Variants in TRAPPC9 observed in about 807,000 individuals in gnomAD.
TRAPPC9 encodes IKK2 binding protein.
In TRAPPC9, 83 loss-of-function variants were observed where a neutral mutation model predicts 124.0. The ratio of observed to expected loss-of-function variants is 0.67; its 90% CI spans 0.56 to 0.80. The LOEUF (loss-of-function observed/expected upper bound fraction) is 0.80, where lower values mean the gene tolerates loss of function less well. Among genes scored for constraint, TRAPPC9 ranks in the 30% least tolerant of loss-of-function variants. The pLI is 0.00. For missense variants in TRAPPC9, 1,302 were observed against 1,508.3 expected, an observed-to-expected ratio of 0.86 and a Z score of 2.27; for synonymous variants, 638 against 617.5, an observed-to-expected ratio of 1.03 and a Z score of -0.49.
intron 7 of TRAPPC9, among the ~76,000 whole-genome samples, chr8:140,377,298 T>C (rs916078020): frequency 2.0e-5 from 3 of 152,162 alleles, no homozygotes; most frequent in Admixed American, 6.5e-5. Flanking sequence ...GTTTCTTTTT[T>C]TTTTCTTCTC....
chr8:140,275,523 C>T (rs2065084510), intron 15 of TRAPPC9, 135 bp downstream of exon 15: 5 of 981,070 alleles, frequency 5.1e-6, no homozygotes, highest in African/African-American at 3.2e-5. Flanking sequence ...TGTAAGCCCT[C>T]GCCTGACTTC....
intron 21 of TRAPPC9, among the ~76,000 whole-genome samples, chr8:139,765,102 C>T (rs1018041247): frequency 2.0e-5 from 3 of 152,200 alleles, no homozygotes; most frequent in African/African-American, 4.8e-5. Flanking sequence ...CCACTGAACA[C>T]CTGCTCAGGC....
intron 21 of TRAPPC9, among the ~76,000 whole-genome samples, chr8:139,823,847 C>T (rs1324807932): frequency 3.3e-5 from 5 of 152,176 alleles, no homozygotes; most frequent in Non-Finnish European, 7.3e-5. Flanking sequence ...TGGGGTCTCG[C>T]GGCCACATGA....
chr8:140,005,297 T>C (rs754970706), intron 18 of TRAPPC9, among the ~76,000 whole-genome samples: 12 of 152,136 alleles, frequency 7.9e-5, no homozygotes, highest in Non-Finnish European at 1.8e-4. Flanking sequence ...CTTCTCTGGG[T>C]TTGGGCTTCA....
intron 9 of TRAPPC9, among the ~76,000 whole-genome samples, chr8:140,338,626 T>G (rs1245515840): frequency 6.6e-6 from 1 of 152,210 alleles, no homozygotes; most frequent in African/African-American, 2.4e-5. Context: ...CTAATATGAC[T>G]GGCGTCCTTA....
At chr8:139,871,234 C>T (rs1432343469) in intron 21 of TRAPPC9, among the ~76,000 whole-genome samples, 1 of 152,120 alleles carries the variant, frequency 6.6e-6, no homozygotes, top group Non-Finnish European at 1.5e-5. Flanking sequence ...TTGTTATAAC[C>T]CGGACACCTG....
intron 19 of TRAPPC9, among the ~76,000 whole-genome samples, chr8:139,923,525 G>A (rs1207153195): frequency 6.6e-6 from 1 of 152,128 alleles, no homozygotes; most frequent in African/African-American, 2.4e-5. Context: ...CCTCCACCTG[G>A]CTAACCTCAT....
At chr8:140,455,957 T>C (rs2071645054) in intron 1 of TRAPPC9, among the ~76,000 whole-genome samples, 1 of 152,172 alleles carries the variant, frequency 6.6e-6, no homozygotes, top group Admixed American at 6.5e-5. Context: ...GGAAATGCCC[T>C]GAATATGCAA....
chr8:140,178,981 T>C (rs1391554251), intron 17 of TRAPPC9, among the ~76,000 whole-genome samples: 4 of 152,148 alleles, frequency 2.6e-5, no homozygotes, highest in Admixed American at 6.5e-5. Flanking sequence ...GATATTGATA[T>C]GTTATGTCTT....
intron 17 of TRAPPC9, among the ~76,000 whole-genome samples, chr8:140,072,565 GAGAAAGGA>G (rs1200959331): frequency 5.8e-5 from 2 of 34,212 alleles, no homozygotes; most frequent in African/African-American, 9.4e-5. Flanking sequence ...GGAGGAGGAG[GAGAAAGGA>G]AGGAGGAGGA....
At chr8:140,103,719 C>T (rs375415260) in intron 17 of TRAPPC9, among the ~76,000 whole-genome samples, 41 of 152,320 alleles carry the variant, frequency 2.7e-4, no homozygotes, top group African/African-American at 8.4e-4. Flanking sequence ...TTAGCCATGA[C>T]GCTATCTCAG....
intron 21 of TRAPPC9, among the ~76,000 whole-genome samples, chr8:139,811,648 T>C (rs1411087175): frequency 6.6e-6 from 1 of 152,214 alleles, no homozygotes. Flanking sequence ...TGGAGGGAGC[T>C]TGTTTTTTAA....
chr8:140,148,859 T>C (rs1231434045), intron 17 of TRAPPC9, among the ~76,000 whole-genome samples: 1 of 152,156 alleles, frequency 6.6e-6, no homozygotes, highest in Non-Finnish European at 1.5e-5. Flanking sequence ...CATTCTTGGG[T>C]TCAGTTTTTC....
At chr8:140,330,362 A>C (rs184039895) in intron 9 of TRAPPC9, among the ~76,000 whole-genome samples, 195 of 152,338 alleles carry the variant, frequency 1.3e-3, no homozygotes, top group African/African-American at 4.5e-3. Flanking sequence ...GATATGGAAG[A>C]AGATCTGTCA....
intron 21 of TRAPPC9, among the ~76,000 whole-genome samples, chr8:139,836,978 G>GTCTTGAACCCA (rs3036940): frequency 6.6e-6 from 1 of 151,664 alleles, no homozygotes; most frequent in Admixed American, 6.6e-5. Context: ...AGGAGGACTT[G>GTCTTGAACCCA]GGGCCTAGCG....
rs1229729675 is a variant in TRAPPC9, at chr8:140,049,187, G to A, written c.2557-25108C>T. Among the ~76,000 whole-genome samples the A allele has an allele frequency of 7.2e-5, 11 of 152,150 alleles. No homozygotes were observed. In the East Asian group the frequency reaches 1.7e-3, roughly 24 times the overall value. ...TCATACAGGTAAAGTAAACCCCCAC[G>A]TTCGCAGGACCTACTGAGGGCAGGG... On this transcript the variant is annotated intron_variant, in intron 17 of 22. Transcript: ENST00000438773.
chr8:140,252,521 G>C lies in TRAPPC9; in HGVS notation c.2431+256C>G, dbSNP rs2064153954. 2.3e-6 allele frequency: 1 copy of C among 442,826 alleles called. No individual in the cohort carries two copies. Among genetic ancestry groups the C allele is most frequent in the Non-Finnish European group, 4.1e-6 (1 of 243,002 alleles). 27.4% of individuals were successfully genotyped at this position (442,826 alleles called of 1,614,324 possible). ...GTAATTCCTACATTCCACTAATTTA[G>C]AATGACCTGCTGGTAAATGAGTACA... On this transcript the variant is annotated intron_variant, in intron 16 of 22. Coordinates refer to ENST00000438773, the MANE Select transcript of TRAPPC9 (RefSeq NM_001160372.4). This position sits in a 1 kb window ranked among gnomAD's most constrained non-coding sequence, Gnocchi z 4.2.
At chr8:140,077,374 A>G (rs1222609576) in intron 17 of TRAPPC9, among the ~76,000 whole-genome samples, 1 of 152,194 alleles carries the variant, frequency 6.6e-6, no homozygotes, top group Non-Finnish European at 1.5e-5. Flanking sequence ...GGGAACATGT[A>G]GCTTAGTGGA....
At chr8:139,873,328 T>C (rs774604283) in intron 21 of TRAPPC9, among the ~76,000 whole-genome samples, 4 of 152,148 alleles carry the variant, frequency 2.6e-5, no homozygotes, top group Non-Finnish European at 4.4e-5. Context: ...GATCATATTA[T>C]TCATCATAAA....
Sources: allele counts gnomAD v4.1 joint callset (sites outside exome capture counted in the v4.1 genomes callset), GRCh38; gene constraint gnomAD v4.1.1; non-coding constraint Gnocchi (gnomAD v3.1); transcripts MANE v1.5; gene names NCBI Gene and HGNC (gene_info 2026-07-23, HGNC 2026-07-21).